MGAT4C: variants seen among roughly 807,000 people sequenced by gnomAD.
The protein encoded by MGAT4C is alpha-1,3-mannosyl-glycoprotein 4-beta-N-acetylglucosaminyltransferase C.
MGAT4C carries 19 observed loss-of-function variants against 40.1 expected under a neutral mutation model. The observed-to-expected ratio is 0.47, with a 90% CI of 0.33 to 0.70. The LOEUF (loss-of-function observed/expected upper bound fraction) is 0.70, where lower values mean the gene tolerates loss of function less well. MGAT4C is among the 30% of genes least tolerant of loss of function. The pLI is 0.02. For missense variants in MGAT4C, 491 were observed against 563.2 expected, an observed-to-expected ratio of 0.87 and a Z score of 1.30; for synonymous variants, 181 against 187.1, an observed-to-expected ratio of 0.97 and a Z score of 0.27.
At chr12:86,833,217 G>A (rs530943543) in intron 1 of MGAT4C, among the ~76,000 whole-genome samples, 17 of 151,788 alleles carry the variant, frequency 1.1e-4, no homozygotes, top group African/African-American at 4.1e-4. Flanking sequence ...TATCCTAGGA[G>A]AGGATAAATT....
At chr12:86,486,384 A>G (rs1174276137) in intron 2 of MGAT4C, among the ~76,000 whole-genome samples, 1 of 55,360 alleles carries the variant, frequency 1.8e-5, no homozygotes, top group Non-Finnish European at 5.1e-5. Context: ...ATGCACACAC[A>G]CACACACACA....
chr12:85,993,908 C>T (rs1042793226), intron 2 of MGAT4C, among the ~76,000 whole-genome samples: 17 of 152,294 alleles, frequency 1.1e-4, no homozygotes, highest in African/African-American at 3.1e-4. Context: ...CCAGTGCCTA[C>T]GCAGGCACCC....
chr12:86,117,489 G>A (rs182617840), intron 1 of MGAT4C, among the ~76,000 whole-genome samples: 1 of 152,186 alleles, frequency 6.6e-6, no homozygotes, highest in Admixed American at 6.6e-5. Flanking sequence ...GCAAATTAGA[G>A]GAGATGCATA....
chr12:86,483,871 G>A (rs1002284162), intron 2 of MGAT4C, among the ~76,000 whole-genome samples: 4 of 147,600 alleles, frequency 2.7e-5, no homozygotes, highest in Admixed American at 1.4e-4. Context: ...CACTTGCACA[G>A]AGAGAGACCA....
At chr12:86,554,529 C>T (rs1959518780) in intron 2 of MGAT4C, among the ~76,000 whole-genome samples, 1 of 152,164 alleles carries the variant, frequency 6.6e-6, no homozygotes, top group Admixed American at 6.5e-5. Context: ...CAAGATCCTT[C>T]TTCTGTTAAT....
intron 2 of MGAT4C, among the ~76,000 whole-genome samples, chr12:86,451,243 G>T (rs1294546637): frequency 6.6e-6 from 1 of 152,116 alleles, no homozygotes; most frequent in African/African-American, 2.4e-5. Flanking sequence ...CCCTCTTGCT[G>T]TCTCACTCCT....
At chr12:86,633,282 CTAATATTACCTAATTATAAAACACA>C (rs1200942928) in intron 2 of MGAT4C, among the ~76,000 whole-genome samples, 2 of 151,898 alleles carry the variant, frequency 1.3e-5, no homozygotes, top group Admixed American at 6.6e-5. Flanking sequence ...CAAAGATATT[CTAATATTACCTAATTATAAAACACA>C]TAATTAGGCT....
intron 3 of MGAT4C, among the ~76,000 whole-genome samples, chr12:86,346,531 T>C (rs923511985): frequency 6.0e-4 from 92 of 152,190 alleles, no homozygotes; most frequent in African/African-American, 2.1e-3. Context: ...GGCCCATAGT[T>C]TGTTCTTTGA....
At chr12:86,049,174 A>G (rs1422526942) in intron 2 of MGAT4C, among the ~76,000 whole-genome samples, 1 of 152,110 alleles carries the variant, frequency 6.6e-6, no homozygotes, top group Non-Finnish European at 1.5e-5. Context: ...TTGGAATAAT[A>G]AAGAAGATAG....
intron 1 of MGAT4C, among the ~76,000 whole-genome samples, chr12:86,804,875 T>C (rs1952318170): frequency 2.0e-5 from 3 of 152,024 alleles, no homozygotes; most frequent in South Asian, 4.1e-4. Context: ...CGAACTTTGG[T>C]AAGTAATGCA....
intron 2 of MGAT4C, among the ~76,000 whole-genome samples, chr12:86,657,722 G>T (rs1163154596): frequency 6.6e-6 from 1 of 151,810 alleles, no homozygotes; most frequent in Admixed American, 6.6e-5. Flanking sequence ...TAAATATGCT[G>T]GAGGATTTTA....
intron 2 of MGAT4C, among the ~76,000 whole-genome samples, chr12:86,676,582 T>C (rs1045226811): frequency 9.2e-5 from 14 of 152,280 alleles, no homozygotes; most frequent in African/African-American, 3.1e-4. Flanking sequence ...GAACAGTCAG[T>C]TTAGAAGTCA....
Position 85,959,901 on chromosome 12 carries a change from A to G in MGAT4C, c.*19388T>C, listed in dbSNP as rs1203433294. 6.6e-6 allele frequency: 1 copy of G among 151,964 alleles called. No individual in the cohort carries two copies. The allele number at this position is 151,964 out of a possible 1,614,324, so 9.4% of individuals were successfully genotyped here. A position where few individuals can be genotyped will look rare whatever the true frequency, so the allele number is the denominator to read the frequency against. On this transcript the variant is annotated 3_prime_UTR_variant, in exon 5 of 5. Transcript: ENST00000611864. ...TTTGCTTATTAAAGGATTAAAATCC[A>G]CCTCTAAACTTATTTAGATCAAGGT...
intron 1 of MGAT4C, among the ~76,000 whole-genome samples, chr12:86,132,497 A>G (rs558177353): frequency 1.4e-4 from 22 of 152,282 alleles, no homozygotes; most frequent in African/African-American, 4.6e-4. Flanking sequence ...ATTAAAACAC[A>G]AGTGAAAAAC....
At chr12:86,768,057 G>C (rs1177012484) in intron 1 of MGAT4C, among the ~76,000 whole-genome samples, 2 of 152,156 alleles carry the variant, frequency 1.3e-5, no homozygotes, top group Non-Finnish European at 2.9e-5. Flanking sequence ...TATTCAATTA[G>C]GAAAAGAGGA....
chr12:86,405,527 A>G (rs907188706), intron 3 of MGAT4C, among the ~76,000 whole-genome samples: 2 of 152,032 alleles, frequency 1.3e-5, no homozygotes, highest in African/African-American at 4.8e-5. Context: ...GGATCAATTG[A>G]CTAAACGTAG....
At chr12:86,360,139 G>GT (rs1955427955) in intron 3 of MGAT4C, among the ~76,000 whole-genome samples, 1 of 152,174 alleles carries the variant, frequency 6.6e-6, no homozygotes, top group African/African-American at 2.4e-5. Context: ...TATCCACCAT[G>GT]ATCAAGTCAG....
chr12:86,334,983 T>C (rs896982068), intron 3 of MGAT4C, among the ~76,000 whole-genome samples: 11 of 152,126 alleles, frequency 7.2e-5, no homozygotes, highest in Non-Finnish European at 4.4e-5. Context: ...GAAAAATTCA[T>C]TTGAATATTT....
chr12:86,399,199 T>C (rs1031933283), intron 3 of MGAT4C, among the ~76,000 whole-genome samples: 13 of 152,164 alleles, frequency 8.5e-5, no homozygotes, highest in African/African-American at 2.9e-4. Context: ...CTCGATCTCT[T>C]GACCTCGTGG....
Sources: gnomAD v4.1 joint callset for allele counts (sites outside exome capture counted in the v4.1 genomes callset) on GRCh38, gnomAD v4.1.1 for gene constraint, MANE v1.5 for transcripts, NCBI Gene and HGNC (gene_info 2026-07-23, HGNC 2026-07-21) for gene names.